Variants in FRMPD1 observed in about 807,000 individuals in gnomAD.
FRMPD1 encodes FERM and PDZ domain containing 1, also known as FERM and PDZ domain-containing protein 1.
Under a neutral mutation model 117.8 loss-of-function variants are expected in FRMPD1, and 76 were observed. The observed-to-expected ratio is 0.65, with a 90% CI of 0.54 to 0.78. FRMPD1 has a LOEUF of 0.78. Among genes scored for constraint, FRMPD1 ranks in the 30% least tolerant of loss-of-function variants. The pLI is 0.00. For missense variants in FRMPD1, 1,786 were observed against 1,964.5 expected (o/e 0.91, Z 1.72); for synonymous variants, 783 against 770.4 (o/e 1.02, Z -0.27).
chr9:37,614,883 A>G, the FRMPD1 span, among the ~76,000 whole-genome samples: 1 of 152,222 alleles, frequency 6.6e-6, no homozygotes, highest in Non-Finnish European at 1.5e-5. Context: ...TATTTCTTGT[A>G]GGTGGAGCTA....
the FRMPD1 span, among the ~76,000 whole-genome samples, chr9:37,640,942 G>A: frequency 6.6e-6 from 1 of 152,180 alleles, no homozygotes; most frequent in South Asian, 2.1e-4. Context: ...GTGCAATGGA[G>A]CGCAGTAAAA....
intron 6 of FRMPD1, among the ~76,000 whole-genome samples, chr9:37,720,471 T>C (rs969576601): frequency 1.8e-4 from 28 of 152,140 alleles, no homozygotes; most frequent in Admixed American, 8.5e-4. Flanking sequence ...GAGACCATCC[T>C]GGCTAACATG....
the FRMPD1 span, among the ~76,000 whole-genome samples, chr9:37,631,405 TTG>T: frequency 6.6e-6 from 1 of 152,206 alleles, no homozygotes; most frequent in African/African-American, 2.4e-5. Flanking sequence ...ACTGATTTTC[TTG>T]GCAGCCTGGG....
At chr9:37,659,915 T>TAAAAAAAAAA (rs36016239) in intron 1 of FRMPD1, among the ~76,000 whole-genome samples, 3 of 103,610 alleles carry the variant, frequency 2.9e-5, no homozygotes, top group East Asian at 2.5e-4. Flanking sequence ...TTTCAAGCAC[T>TAAAAAAAAAA]AAAAAAAAAA....
chr9:37,712,401 A>C (rs1822942036), intron 5 of FRMPD1, among the ~76,000 whole-genome samples: 1 of 152,210 alleles, frequency 6.6e-6, no homozygotes, highest in Admixed American at 6.5e-5. Context: ...CGTCGTGCAG[A>C]CTGGAGTGCA....
intron 1 of FRMPD1, among the ~76,000 whole-genome samples, chr9:37,675,291 G>A (rs372943927): frequency 6.6e-6 from 1 of 151,958 alleles, no homozygotes; most frequent in Non-Finnish European, 1.5e-5. Flanking sequence ...GAGTGGTGGC[G>A]CACACCAGTA....
At chr9:37,638,016 CTTTCTT>C in the FRMPD1 span, among the ~76,000 whole-genome samples, 24 of 122,212 alleles carry the variant, frequency 2.0e-4, 4 homozygotes, top group African/African-American at 3.8e-4. Flanking sequence ...TTCTTTCTTT[CTTTCTT>C]TCTCTCTCTT....
intron 5 of FRMPD1, among the ~76,000 whole-genome samples, chr9:37,717,388 T>A (rs1466991497): frequency 7.6e-5 from 11 of 144,294 alleles, no homozygotes; most frequent in African/African-American, 2.7e-4. Context: ...TATATTTTTT[T>A]TTTTTTTTTG....
rs776922642 is a variant in FRMPD1 at position 37,708,424 on chromosome 9, C to G, written c.285C>G (p.Phe95Leu). ...GAGGCTCTGCTCACGGCAAGCTTTT[C>G]CCTGGTGATCAGATCCTCCAAATGA... is the stretch of plus-strand genomic sequence containing the variant. ...TAGGSAHGKLFPGDQILQMNN... is the reference protein window; with the variant it reads ...TAGGSAHGKLLPGDQILQMNN... The change falls in exon 4 of 16, where the codon TTC becomes TTG. Residue 95 changes from phenylalanine (F) to leucine (L), a missense_variant. Coordinates refer to ENST00000377765, the MANE Select transcript of FRMPD1 (RefSeq NM_014907.3). The G allele has an allele frequency of 6.2e-6, 10 of 1,612,432 alleles. No homozygotes were observed. The highest frequency in any genetic ancestry group is 1.7e-5 in the Admixed American group (1 of 59,998).
intron 1 of FRMPD1, among the ~76,000 whole-genome samples, chr9:37,661,147 C>T (rs959149755): frequency 1.3e-5 from 2 of 152,196 alleles, no homozygotes; most frequent in East Asian, 3.9e-4. Flanking sequence ...GAACTGCTGC[C>T]TGTTGTTCTG....
chr9:37,717,595 G>A (rs557446651), intron 5 of FRMPD1, among the ~76,000 whole-genome samples: 1 of 152,138 alleles, frequency 6.6e-6, no homozygotes, highest in Admixed American at 6.6e-5. Context: ...GGCCAGGCTA[G>A]TCTCAAACTC....
At chr9:37,732,554 CTT>C in intron 10 of FRMPD1, 114 bp downstream of exon 10, 1 of 1,045,302 alleles carries the variant, frequency 9.6e-7, no homozygotes, top group Non-Finnish European at 1.3e-6. Flanking sequence ...TGTCTGTTGT[CTT>C]TCCATCCATT....
chr9:37,683,862 A>G (rs189954776), intron 1 of FRMPD1, among the ~76,000 whole-genome samples: 4,316 of 66,352 alleles, frequency 0.065, 151 homozygotes, highest in East Asian at 0.28. Flanking sequence ...GAAGTTAGCA[A>G]GTAGGCAGGG....
chr9:37,635,640 C>G, the FRMPD1 span, among the ~76,000 whole-genome samples: 1 of 152,166 alleles, frequency 6.6e-6, no homozygotes, highest in Non-Finnish European at 1.5e-5. Context: ...ACAGGTGGGA[C>G]AGGCAAGAGA....
At chr9:37,649,941 C>A (rs556790737), upstream of FRMPD1, among the ~76,000 whole-genome samples, 4 of 152,270 alleles carry the variant, frequency 2.6e-5, no homozygotes, top group African/African-American at 7.2e-5. Context: ...CTTTCACTGG[C>A]CAATTCCACT....
At chr9:37,606,149 C>T in the FRMPD1 span, among the ~76,000 whole-genome samples, 1 of 152,122 alleles carries the variant, frequency 6.6e-6, no homozygotes, top group Admixed American at 6.6e-5. Flanking sequence ...ACAGAATCTG[C>T]AACAGGACTC....
chr9:37,699,143 A>C (rs1822440808), intron 2 of FRMPD1, among the ~76,000 whole-genome samples: 1 of 152,108 alleles, frequency 6.6e-6, no homozygotes, highest in African/African-American at 2.4e-5. Flanking sequence ...AAATGCTGAG[A>C]TTACAGGCGT....
At chr9:37,687,220 T>A (rs989235827) in intron 1 of FRMPD1, among the ~76,000 whole-genome samples, 13 of 152,126 alleles carry the variant, frequency 8.5e-5, no homozygotes, top group Admixed American at 2.6e-4. Context: ...TGAGCTGGAG[T>A]CCCCCACGCT....
At chr9:37,641,940 C>T in the FRMPD1 span, among the ~76,000 whole-genome samples, 1 of 152,150 alleles carries the variant, frequency 6.6e-6, no homozygotes, top group Non-Finnish European at 1.5e-5. Context: ...TGATATAGTC[C>T]AATTCTATGT....
Sources: allele counts gnomAD v4.1 joint callset (sites outside exome capture counted in the v4.1 genomes callset), GRCh38; gene constraint gnomAD v4.1.1; transcripts MANE v1.5; gene names NCBI Gene and HGNC (gene_info 2026-07-23, HGNC 2026-07-21).